PRPF8: variants seen among roughly 807,000 people sequenced by gnomAD.
PRPF8 encodes pre-mRNA-processing-splicing factor 8.
A neutral mutation model predicts 285.9 loss-of-function variants in PRPF8; 64 were observed. The ratio of observed to expected loss-of-function variants is 0.22; its 90% CI spans 0.18 to 0.28. The LOEUF is 0.28. Ranked by LOEUF, PRPF8 falls within the 10% of genes least tolerant of loss-of-function variation. PRPF8 has a pLI of 1.00. For synonymous variants in PRPF8, 1,325 were observed against 1,118.2 expected (o/e 1.18, Z -3.69); for missense variants, 1,426 against 3,026.7 (o/e 0.47, Z 12.41).
chr17:1,678,248 G>T (rs1001529171), intron 13 of PRPF8, among the ~76,000 whole-genome samples: 1 of 152,126 alleles, frequency 6.6e-6, no homozygotes, highest in South Asian at 2.1e-4. Flanking sequence ...CCGGGAGGCG[G>T]AGGCTGTGGT....
chr17:1,682,215 C>T lies in PRPF8; in HGVS notation c.348G>A (p.Val116=), dbSNP rs142778166. Residue 116 remains valine (V), a synonymous_variant, in exon 4 of 43, where the codon GTG becomes GTA. Transcript: ENST00000304992. Reference sequence around the variant, plus strand: ...CTCCAGTGATGTGGTACAGCACAGGCACATCCCGAATCTGCTCCCAAGGCA... The same window carrying T: ...CTCCAGTGATGTGGTACAGCACAGGTACATCCCGAATCTGCTCCCAAGGCA... ...MPMPWEQIRD[V]PVLYHITGAI... is the part of the protein sequence containing the mutation. 7 of 1,614,006 alleles carry T rather than the reference C, an allele frequency of 4.3e-6. No homozygotes were observed. The highest frequency in any genetic ancestry group is 1.3e-5 in the African/African-American group (1 of 74,894).
chr17:1,673,126 G>A lies in PRPF8; in HGVS notation c.3729C>T (p.Arg1243=), dbSNP rs370510856. 8.8e-5 allele frequency: 142 copies of A among 1,614,226 alleles called. No homozygotes were observed. The highest frequency in any genetic ancestry group is 1.1e-4 in the Non-Finnish European group (129 of 1,180,038). ...DDESMQRFHN[R]VRQILMASGS... The stretch of plus-strand genomic sequence containing the variant: ...CAGAGGCCATGAGAATCTGACGCAC[G>A]CGGTTGTGGAAGCGCTGCATTGACT... Residue 1243 remains arginine, a synonymous_variant, in exon 24 of 43, where the codon CGC becomes CGT. Coordinates refer to ENST00000304992, the MANE Select transcript of PRPF8 (RefSeq NM_006445.4). This position sits in a 1 kb window ranked among gnomAD's most constrained non-coding sequence, Gnocchi z 5.5.
At position 1,678,742 on chromosome 17, in the gene PRPF8, T is replaced by C. The variant is rs1912747183; in HGVS notation, c.1719+20A>G. 7 of 1,613,632 alleles carry C rather than the reference T, an allele frequency of 4.3e-6. No individual in the cohort carries two copies. The highest frequency in any genetic ancestry group is 3.3e-4 in the Middle Eastern group (2 of 6,062). On this transcript the variant is annotated intron_variant, in intron 12 of 42. Transcript: ENST00000304992. ...TCCAGCGTCCTCACCCAGGCAGGGG[T>C]TGGGAATACCTAACCTTACCTGGAA...
At chr17:1,680,243 A>C (rs1349784680) in intron 8 of PRPF8, among the ~76,000 whole-genome samples, 1 of 152,232 alleles carries the variant, frequency 6.6e-6, no homozygotes, top group Non-Finnish European at 1.5e-5. Flanking sequence ...AAATCTATAG[A>C]CAGAAAGTAG....
intron 13 of PRPF8, 111 bp downstream of exon 13, chr17:1,678,407 C>G (rs1341293548): frequency 7.2e-7 from 1 of 1,385,572 alleles, no homozygotes; most frequent in Non-Finnish European, 1.0e-6. Context: ...TGCTTGAACT[C>G]AGGAGGCGGA....
Position 1,676,673 on chromosome 17 carries a change from A to C in PRPF8, c.2220T>G (p.Leu740=), listed in dbSNP as rs756310951. 1.2e-6 allele frequency: 2 copies of C among 1,613,990 alleles called. No individual in the cohort carries two copies. Among genetic ancestry groups the C allele is most frequent in the Non-Finnish European group, 1.7e-6 (2 of 1,180,042 alleles). ...GLPTPIENMI[L]RYVKAKADWW... is the part of the protein sequence containing the mutation. Reference sequence around the variant, plus strand: ...AGTCAGCCTTGGCCTTCACGTATCGAAGGATCATATTCTCTATGGGCGTCG... The same window carrying C: ...AGTCAGCCTTGGCCTTCACGTATCGCAGGATCATATTCTCTATGGGCGTCG... The change falls in exon 16 of 43, where the codon CTT becomes CTG. Residue 740 remains leucine (L), a synonymous_variant. Coordinates refer to ENST00000304992, the MANE Select transcript of PRPF8 (RefSeq NM_006445.4). The surrounding 1 kb of genome is among the most constrained non-coding windows in gnomAD (Gnocchi z 6.3).
rs753987195 is a variant in PRPF8 at position 1,679,436 on chromosome 17, T to C, written c.1290-26A>G. The C allele has an allele frequency of 1.2e-6, 2 of 1,612,120 alleles. No homozygotes were observed. The highest frequency in any genetic ancestry group is 2.2e-5 in the South Asian group (2 of 90,994). On this transcript the variant is annotated intron_variant, in intron 9 of 42. Coordinates refer to ENST00000304992, the MANE Select transcript of PRPF8 (RefSeq NM_006445.4). This position sits in a 1 kb window ranked among gnomAD's most constrained non-coding sequence, Gnocchi z 4.7. ...CTGGAAAAATAAGCCCACCAGAGTT[T>C]GGCCATCTCTTCTTCCAGACACTCT...
rs1488141509 is a variant in PRPF8 at position 1,673,838 on chromosome 17, A to C, written c.3354T>G (p.Pro1118=). 3 of 1,613,976 alleles carry C rather than the reference A, an allele frequency of 1.9e-6. No individual in the cohort carries two copies. Among genetic ancestry groups the C allele is most frequent in the Non-Finnish European group, 2.5e-6 (3 of 1,180,032 alleles). Residue 1118 remains proline, a synonymous_variant, in exon 22 of 43, where the codon CCT becomes CCG. Coordinates refer to ENST00000304992, the MANE Select transcript of PRPF8 (RefSeq NM_006445.4). The surrounding 1 kb of genome is among the most constrained non-coding windows in gnomAD (Gnocchi z 5.5). ...CAACGATGTTTTCATTATTGGGGTC[A>C]GGGTGCTCTGTCAGGTAACGTTGAA... ...DLIQRYLTEH[P]DPNNENIVGY... is the part of the protein sequence containing the mutation.
Position 1,660,990 on chromosome 17 carries a change from C to T in PRPF8, c.4508+3G>A. 3 of 1,613,814 alleles carry T rather than the reference C, an allele frequency of 1.9e-6. No homozygotes were observed. The highest frequency in any genetic ancestry group is 1.7e-6 in the Non-Finnish European group (2 of 1,180,032). On this transcript the variant is annotated splice_donor_region_variant and intron_variant, in intron 28 of 42. Coordinates refer to ENST00000304992, the MANE Select transcript of PRPF8 (RefSeq NM_006445.4). The stretch of plus-strand genomic sequence containing the variant: ...GGTCCCTCTAAGAGAGGAGAATCCT[C>T]ACCAGAAAAGCCCCTCCCAGGTAGG...
Position 1,678,584 on chromosome 17 carries a change from G to A in PRPF8, c.1788C>T (p.Tyr596=), listed in dbSNP as rs559604750. ...GQLTGMYRYK[Y]KLMRQIRMCK... ...ACATGCGAATCTGTCGCATCAGCTT[G>A]TATTTGTATCGATACATGCCCGTCA... Residue 596 remains tyrosine (Y), a synonymous_variant, in exon 13 of 43, where the codon TAC becomes TAT. Coordinates refer to ENST00000304992, the MANE Select transcript of PRPF8 (RefSeq NM_006445.4). 6.2e-7 allele frequency: 1 copy of A among 1,614,226 alleles called. No homozygotes were observed. Among genetic ancestry groups the A allele is most frequent in the East Asian group, 2.2e-5 (1 of 44,886 alleles).
At chr17:1,683,309 A>G (rs965034617) in intron 3 of PRPF8, 2 of 620,888 alleles carry the variant, frequency 3.2e-6, no homozygotes, top group Non-Finnish European at 5.7e-6. Flanking sequence ...ACATCTTATA[A>G]TATCATCAAC....
At position 1,659,717 on chromosome 17, in the gene PRPF8, A is replaced by C; in HGVS notation, c.4946+124T>G. The C allele has an allele frequency of 7.9e-6, 11 of 1,396,888 alleles. No homozygotes were observed. The highest frequency in any genetic ancestry group is 4.3e-4 in the Middle Eastern group (2 of 4,600). 86.5% of individuals were successfully genotyped at this position (1,396,888 alleles called of 1,614,324 possible). On this transcript the variant is annotated intron_variant, in intron 31 of 42. Transcript: ENST00000304992. The surrounding 1 kb of genome is among the most constrained non-coding windows in gnomAD (Gnocchi z 5.1). ...CTGACTAAGGGTGTTGACAGGCTCC[A>C]AGCGTAGCACTGGCTCCAAGTTTGA...
In PRPF8 at chr17:1,676,450, T is replaced by G; in HGVS notation, c.2388+55A>C. ...AGGTTCAGTCACAACTCTACAGTCC[T>G]CCCTCTTGCCCACTCCCCCACCACT... On this transcript the variant is annotated intron_variant, in intron 16 of 42. Transcript: ENST00000304992. The surrounding 1 kb of genome is among the most constrained non-coding windows in gnomAD (Gnocchi z 6.3). 2.5e-6 allele frequency: 4 copies of G among 1,613,884 alleles called. No individual in the cohort carries two copies. The highest frequency in any genetic ancestry group is 3.4e-6 in the Non-Finnish European group (4 of 1,179,892).
rs771276147 is a variant in PRPF8 at position 1,660,800 on chromosome 17, A to G, written c.4536T>C (p.Ser1512=). 1.9e-6 allele frequency: 3 copies of G among 1,613,910 alleles called. No individual in the cohort carries two copies. Among genetic ancestry groups the G allele is most frequent in the Middle Eastern group, 1.7e-4 (1 of 6,052 alleles). Residue 1512 remains serine (S), a synonymous_variant, in exon 29 of 43, where the codon TCT becomes TCC. Transcript: ENST00000304992. ...FWEKASGFEE[S]MKWKKLTNAQ... is the part of the protein sequence containing the mutation. ...CATTAGTTAGCTTCTTCCACTTCAT[A>G]GATTCCTCAAAGCCACTGGCCTTCT...
At position 1,675,409 on chromosome 17, in the gene PRPF8, T is replaced by A; in HGVS notation, c.2873-70A>T. 6.4e-7 allele frequency: 1 copy of A among 1,559,926 alleles called. No individual in the cohort carries two copies. The highest frequency in any genetic ancestry group is 8.8e-7 in the Non-Finnish European group (1 of 1,133,112). ...TGCAAGACTAGCCCCACAGGAACTATCATTACCTTCCATAACCAATCCCAC... is the reference window on the plus strand; with the variant it reads ...TGCAAGACTAGCCCCACAGGAACTAACATTACCTTCCATAACCAATCCCAC... On this transcript the variant is annotated intron_variant, in intron 19 of 42. Coordinates refer to ENST00000304992, the MANE Select transcript of PRPF8 (RefSeq NM_006445.4). This position sits in a 1 kb window ranked among gnomAD's most constrained non-coding sequence, Gnocchi z 6.0.
intron 12 of PRPF8, 25 bp from the exon 13 acceptor site, chr17:1,678,677 C>A: frequency 1.9e-6 from 3 of 1,614,138 alleles, no homozygotes; most frequent in Non-Finnish European, 2.5e-6. Flanking sequence ...CCCCATCAGA[C>A]CTGGAGCTTA....
rs1207949444 is a variant in PRPF8, at chr17:1,651,591, A to G, written c.6511-38T>C. 2 of 1,614,042 alleles carry G rather than the reference A, an allele frequency of 1.2e-6. No individual in the cohort carries two copies. The highest frequency in any genetic ancestry group is 1.7e-6 in the Non-Finnish European group (2 of 1,180,004). On this transcript the variant is annotated intron_variant, in intron 40 of 42. Coordinates refer to ENST00000304992, the MANE Select transcript of PRPF8 (RefSeq NM_006445.4). This position sits in a 1 kb window ranked among gnomAD's most constrained non-coding sequence, Gnocchi z 5.1. ...AGGAGTACAGAGCTGAATCCCATCCACAGACAGGAATCGCACCAGCTTTTC... is the reference window on the plus strand; with the variant it reads ...AGGAGTACAGAGCTGAATCCCATCCGCAGACAGGAATCGCACCAGCTTTTC...
At position 1,675,880 on chromosome 17, in the gene PRPF8, T is replaced by A; in HGVS notation, c.2679+48A>T. ...TACCTTTGGTAGAACCAAAGGCAAC[T>A]GCTACCTTTGGTAGAACCAAAAAGA... On this transcript the variant is annotated intron_variant, in intron 18 of 42. Coordinates refer to ENST00000304992, the MANE Select transcript of PRPF8 (RefSeq NM_006445.4). This position sits in a 1 kb window ranked among gnomAD's most constrained non-coding sequence, Gnocchi z 6.0. The A allele has an allele frequency of 6.2e-7, 1 of 1,608,956 alleles. No homozygotes were observed. Among genetic ancestry groups the A allele is most frequent in the South Asian group, 1.1e-5 (1 of 91,058 alleles).
intron 24 of PRPF8, 74 bp from the exon 25 acceptor site, chr17:1,662,227 T>C (rs1285009163): frequency 3.3e-6 from 5 of 1,525,940 alleles, no homozygotes. Context: ...TTGATGCAGT[T>C]AGTTTTATCC....
Sources: allele counts gnomAD v4.1 joint callset (sites outside exome capture counted in the v4.1 genomes callset), GRCh38; gene constraint gnomAD v4.1.1; non-coding constraint Gnocchi (gnomAD v3.1); transcripts MANE v1.5; gene names NCBI Gene and HGNC (gene_info 2026-07-23, HGNC 2026-07-21).